Variants in DENND1A observed in about 807,000 individuals in gnomAD.
DENND1A encodes DENN domain containing 1A.
A neutral mutation model predicts 113.7 loss-of-function variants in DENND1A; 51 were observed. That is an observed-to-expected ratio of 0.45 (90% confidence interval 0.36 to 0.57). The LOEUF (loss-of-function observed/expected upper bound fraction) is 0.57, where lower values mean the gene tolerates loss of function less well. Among genes scored for constraint, DENND1A ranks in the 20% least tolerant of loss-of-function variants. The pLI is 0.00. For synonymous variants in DENND1A, 565 were observed against 570.8 expected, an observed-to-expected ratio of 0.99 and a Z score of 0.14; for missense variants, 1,258 against 1,395.9, an observed-to-expected ratio of 0.90 and a Z score of 1.57.
intron 10 of DENND1A, among the ~76,000 whole-genome samples, chr9:123,621,329 G>T (rs1158666358): frequency 6.6e-6 from 1 of 151,946 alleles, no homozygotes; most frequent in Non-Finnish European, 1.5e-5. Flanking sequence ...GGGATTACAG[G>T]CATGTACCAC....
chr9:123,523,513 T>G (rs543143847), intron 13 of DENND1A, among the ~76,000 whole-genome samples: 30 of 152,320 alleles, frequency 2.0e-4, no homozygotes, highest in African/African-American at 6.0e-4. Flanking sequence ...GGCTACAGAT[T>G]CAGATCGATG....
At chr9:123,645,826 C>G (rs745874946) in intron 9 of DENND1A, among the ~76,000 whole-genome samples, 1 of 152,262 alleles carries the variant, frequency 6.6e-6, no homozygotes, top group Non-Finnish European at 1.5e-5. Context: ...GAAGTAATCA[C>G]ATTCAACACA....
rs1028049599 is a variant in DENND1A at position 123,669,292 on chromosome 9, G to A, written c.453+1999C>T. 2.0e-5 allele frequency among the ~76,000 whole-genome samples: 3 copies of A among 152,150 alleles called. No individual in the cohort carries two copies. The East Asian group carries it at 5.8e-4, about 29-fold the overall frequency. On this transcript the variant is annotated intron_variant, in intron 7 of 23. Transcript: ENST00000394215. ...CAATCAGAAATGCAATATGGAGAGAGGAATTCCCAGTGAAAAGGAAAGAAA... is the reference window on the plus strand; with the variant it reads ...CAATCAGAAATGCAATATGGAGAGAAGAATTCCCAGTGAAAAGGAAAGAAA...
chr9:123,480,616 C>T (rs2050257815), intron 13 of DENND1A, among the ~76,000 whole-genome samples: 1 of 152,182 alleles, frequency 6.6e-6, no homozygotes, highest in Non-Finnish European at 1.5e-5. Flanking sequence ...AGCCATCCCT[C>T]TTGGGGTCTT....
intron 12 of DENND1A, among the ~76,000 whole-genome samples, chr9:123,570,041 C>T (rs990378716): frequency 9.2e-5 from 14 of 152,248 alleles, no homozygotes; most frequent in Admixed American, 5.9e-4. Context: ...ATGTTCTAGC[C>T]GTAATAAACT....
intron 13 of DENND1A, among the ~76,000 whole-genome samples, chr9:123,495,135 GTCTCTTTC>G (rs1362884489): frequency 2.3e-4 from 8 of 35,226 alleles, no homozygotes; most frequent in South Asian, 3.0e-3. Flanking sequence ...ACCCATCATT[GTCTCTTTC>G]TCTCTCTCTC....
Position 123,917,877 on chromosome 9 carries a change from G to C in DENND1A, c.17+12012C>G, listed in dbSNP as rs1316638758. Among the ~76,000 whole-genome samples the C allele has an allele frequency of 2.0e-5, 3 of 151,570 alleles. No homozygotes were observed. In the East Asian group the frequency reaches 5.9e-4, roughly 30 times the overall value. ...TGTAATCTCAGCGCTTTGGGAGGCC[G>C]AGGCAGGCAGATCACAAGGTCAGGA... On this transcript the variant is annotated intron_variant, in intron 1 of 23. Transcript: ENST00000394215.
chr9:123,476,813 T>C (rs1374225589), intron 13 of DENND1A, among the ~76,000 whole-genome samples: 2 of 152,184 alleles, frequency 1.3e-5, no homozygotes, highest in Non-Finnish European at 2.9e-5. Context: ...CACTTTACAA[T>C]TGGGAAACTG....
chr9:123,543,307 A>C (rs2056421919), intron 13 of DENND1A, among the ~76,000 whole-genome samples: 1 of 152,208 alleles, frequency 6.6e-6, no homozygotes, highest in Non-Finnish European at 1.5e-5. Context: ...AGGTCTGAAA[A>C]ATGCTGGGTT....
intron 1 of DENND1A, among the ~76,000 whole-genome samples, chr9:123,896,330 C>A (rs376236857): frequency 2.2e-3 from 313 of 143,512 alleles, no homozygotes; most frequent in African/African-American, 4.0e-3. Flanking sequence ...AACAAACAAA[C>A]AAAAAAAAAA....
intron 8 of DENND1A, among the ~76,000 whole-genome samples, chr9:123,654,096 C>A (rs2062810097): frequency 6.6e-6 from 1 of 152,072 alleles, no homozygotes; most frequent in Admixed American, 6.6e-5. Flanking sequence ...AAGGAGTCAA[C>A]CAGTGTATCT....
intron 5 of DENND1A, 42 bp from the exon 6 acceptor site, chr9:123,676,831 G>T (rs989602880): frequency 1.9e-6 from 3 of 1,583,278 alleles, no homozygotes; most frequent in African/African-American, 1.3e-5. Flanking sequence ...TAGTATGCAG[G>T]TCAAAAACTT....
chr9:123,498,726 T>TC (rs1256301200), intron 13 of DENND1A, among the ~76,000 whole-genome samples: 10 of 106,710 alleles, frequency 9.4e-5, no homozygotes, highest in East Asian at 4.8e-4. Flanking sequence ...TCTCTCTCTC[T>TC]TTTTTTTTTT....
At chr9:123,539,592 T>A in intron 13 of DENND1A, among the ~76,000 whole-genome samples, 1 of 152,036 alleles carries the variant, frequency 6.6e-6, no homozygotes, top group Non-Finnish European at 1.5e-5. Context: ...GCAGGAAAGT[T>A]CTGTTTCTTG....
intron 18 of DENND1A, among the ~76,000 whole-genome samples, chr9:123,442,226 T>C (rs960157650): frequency 6.6e-6 from 1 of 152,176 alleles, no homozygotes; most frequent in Non-Finnish European, 1.5e-5. Flanking sequence ...CTGAGAAGTC[T>C]GTACTGCTTG....
intron 19 of DENND1A, among the ~76,000 whole-genome samples, chr9:123,420,338 G>A (rs2045153269): frequency 1.3e-5 from 2 of 152,220 alleles, no homozygotes; most frequent in African/African-American, 4.8e-5. Context: ...GAGAGGTCGG[G>A]CTGGGCTTCA....
intron 5 of DENND1A, among the ~76,000 whole-genome samples, chr9:123,739,180 G>A (rs1010635139): frequency 1.3e-5 from 2 of 152,098 alleles, no homozygotes; most frequent in Non-Finnish European, 2.9e-5. Context: ...AGGAAGAGGA[G>A]GATTTGTGGA....
chr9:123,691,998 G>A (rs2065219912), intron 5 of DENND1A, among the ~76,000 whole-genome samples: 1 of 152,158 alleles, frequency 6.6e-6, no homozygotes, highest in South Asian at 2.1e-4. Context: ...AGTGTCCATT[G>A]TGAGACATGG....
intron 13 of DENND1A, among the ~76,000 whole-genome samples, chr9:123,518,842 A>C (rs1195961686): frequency 6.6e-6 from 1 of 152,160 alleles, no homozygotes; most frequent in East Asian, 1.9e-4. Context: ...AGCCAGCAGG[A>C]CTTTTAACAA....
Sources: allele counts gnomAD v4.1 joint callset (sites outside exome capture counted in the v4.1 genomes callset), GRCh38; gene constraint gnomAD v4.1.1; transcripts MANE v1.5; gene names NCBI Gene and HGNC (gene_info 2026-07-23, HGNC 2026-07-21).